PIEZO2: variants seen among roughly 807,000 people sequenced by gnomAD.
The protein encoded by PIEZO2 is piezo-type mechanosensitive ion channel component 2.
Under a neutral mutation model 337.3 loss-of-function variants are expected in PIEZO2, and 172 were observed. The ratio of observed to expected loss-of-function variants is 0.51; its 90% CI spans 0.45 to 0.58. PIEZO2 has a LOEUF of 0.58. PIEZO2 is among the 20% of genes least tolerant of loss of function. PIEZO2 has a pLI of 0.00. For missense variants in PIEZO2, 3,028 were observed against 3,391.3 expected, an observed-to-expected ratio of 0.89 and a Z score of 2.66; for synonymous variants, 1,251 against 1,228.5, an observed-to-expected ratio of 1.02 and a Z score of -0.38.
intron 31 of PIEZO2, 79 bp downstream of exon 31, chr18:10,744,063 C>A: frequency 9.7e-7 from 1 of 1,034,870 alleles, no homozygotes; most frequent in South Asian, 1.5e-5. Context: ...GTTTGAGGCT[C>A]CCCAACAGTG....
In PIEZO2 at chr18:10,704,887, C is replaced by T. The variant is rs536015965; in HGVS notation, c.6000-235G>A. On this transcript the variant is annotated intron_variant, in intron 41 of 55. Coordinates refer to ENST00000674853, the MANE Select transcript of PIEZO2 (RefSeq NM_001378183.1). ...TGTATTTTTAGTAAAGGGACAGTTTCGCCATGTTGGTCAGGCTGGTCTTGA... is the reference window on the plus strand; with the variant it reads ...TGTATTTTTAGTAAAGGGACAGTTTTGCCATGTTGGTCAGGCTGGTCTTGA... Among the ~76,000 whole-genome samples the T allele has an allele frequency of 1.6e-4, 24 of 152,250 alleles. No individual in the cohort carries two copies. In the South Asian group the frequency reaches 3.3e-3, roughly 21 times the overall value.
chr18:10,903,308 C>T lies in PIEZO2; in HGVS notation c.329+7878G>A, dbSNP rs2043095152. Among the ~76,000 whole-genome samples, 1 of 152,116 alleles carries T rather than the reference C, an allele frequency of 6.6e-6. No homozygotes were observed. The highest frequency in any genetic ancestry group is 6.5e-5 in the Admixed American group (1 of 15,272). On this transcript the variant is annotated intron_variant, in intron 4 of 55. Transcript: ENST00000674853. This position sits in a 1 kb window ranked among gnomAD's most constrained non-coding sequence, Gnocchi z 4.1. ...CTATATTGCTGCTCGAGTGACATTT[C>T]TAGAAGCACATCTAAGCTTACCTTC...
rs971257706 is a variant in PIEZO2 at position 11,077,848 on chromosome 18, T to C, written c.65-11626A>G. 3.3e-5 allele frequency among the ~76,000 whole-genome samples: 5 copies of C among 152,188 alleles called. No homozygotes were observed. Among genetic ancestry groups the C allele is most frequent in the African/African-American group, 1.2e-4 (5 of 41,442 alleles). On this transcript the variant is annotated intron_variant, in intron 1 of 55. Coordinates refer to ENST00000674853, the MANE Select transcript of PIEZO2 (RefSeq NM_001378183.1). The surrounding 1 kb of genome is among the most constrained non-coding windows in gnomAD (Gnocchi z 4.8). Reference sequence around the variant, plus strand: ...TGGCTTACTAGACTGTGTTACAAAGTAGAGCATAAGTGTCATTTTTCATTT... The same window carrying C: ...TGGCTTACTAGACTGTGTTACAAAGCAGAGCATAAGTGTCATTTTTCATTT...
rs2039906000 is a variant in PIEZO2, at chr18:11,116,858, C to T, written c.64+31667G>A. Among the ~76,000 whole-genome samples the T allele has an allele frequency of 6.6e-6, 1 of 152,148 alleles. No homozygotes were observed. Among genetic ancestry groups the T allele is most frequent in the Non-Finnish European group, 1.5e-5 (1 of 68,022 alleles). On this transcript the variant is annotated intron_variant, in intron 1 of 55. Coordinates refer to ENST00000674853, the MANE Select transcript of PIEZO2 (RefSeq NM_001378183.1). The surrounding 1 kb of genome is among the most constrained non-coding windows in gnomAD (Gnocchi z 5.0). ...GCACGGTGGCTCACACCTGTAATCC[C>T]AGCACTCTGTGAGGCCAAGGCAGGA... is the stretch of plus-strand genomic sequence containing the variant.
At chr18:10,852,768 G>A (rs923752085) in intron 7 of PIEZO2, among the ~76,000 whole-genome samples, 1 of 152,126 alleles carries the variant, frequency 6.6e-6, no homozygotes, top group Non-Finnish European at 1.5e-5. Flanking sequence ...TTCTGGCACC[G>A]TCTTCACCTA....
At chr18:11,074,009 G>C (rs923266807) in intron 1 of PIEZO2, among the ~76,000 whole-genome samples, 17 of 152,066 alleles carry the variant, frequency 1.1e-4, no homozygotes, top group African/African-American at 3.9e-4. Flanking sequence ...ACCATGCCCG[G>C]CTAATTTTTT....
intron 2 of PIEZO2, among the ~76,000 whole-genome samples, chr18:11,045,604 A>T (rs2037285020): frequency 1.3e-5 from 2 of 152,208 alleles, no homozygotes; most frequent in Non-Finnish European, 1.5e-5. Context: ...GCAGAGTGTC[A>T]CTTTGTGCCA....
In PIEZO2 at chr18:11,125,092, G is replaced by T. The variant is rs1366700191; in HGVS notation, c.64+23433C>A. ...CTTTCCTCCTTTCATTTCTTCACAT[G>T]TAAAATCTAGAGTCATACCCATTTC... On this transcript the variant is annotated intron_variant, in intron 1 of 55. Coordinates refer to ENST00000674853, the MANE Select transcript of PIEZO2 (RefSeq NM_001378183.1). The surrounding 1 kb of genome is among the most constrained non-coding windows in gnomAD (Gnocchi z 4.4). Among the ~76,000 whole-genome samples the T allele has an allele frequency of 6.6e-6, 1 of 151,924 alleles. No individual in the cohort carries two copies. The highest frequency in any genetic ancestry group is 2.4e-5 in the African/African-American group (1 of 41,374).
rs774649522 is a variant in PIEZO2 at position 11,132,381 on chromosome 18, T to C, written c.64+16144A>G. 1.3e-4 allele frequency among the ~76,000 whole-genome samples: 20 copies of C among 152,180 alleles called. No homozygotes were observed. Among genetic ancestry groups the C allele is most frequent in the East Asian group, 1.9e-4 (1 of 5,196 alleles). On this transcript the variant is annotated intron_variant, in intron 1 of 55. Transcript: ENST00000674853. The surrounding 1 kb of genome is among the most constrained non-coding windows in gnomAD (Gnocchi z 4.7). ...CATCATTCTGAAGCAGGTGGATTGA[T>C]AGAACGGTGGAATGGCCTTTTGAAG...
intron 35 of PIEZO2, among the ~76,000 whole-genome samples, chr18:10,733,352 T>C (rs149747149): frequency 2.6e-4 from 40 of 152,088 alleles, no homozygotes; most frequent in African/African-American, 9.6e-4. Flanking sequence ...CCAGGAATTA[T>C]TAAGAGGGTC....
intron 2 of PIEZO2, among the ~76,000 whole-genome samples, chr18:11,056,636 C>G (rs78973423): frequency 0.024 from 3,616 of 152,198 alleles, 49 homozygotes; most frequent in South Asian, 0.045. Flanking sequence ...GGAACATCAA[C>G]AAGGCAGGAA....
At chr18:10,812,617 C>T (rs1266275486) in intron 7 of PIEZO2, among the ~76,000 whole-genome samples, 1 of 152,144 alleles carries the variant, frequency 6.6e-6, no homozygotes, top group Non-Finnish European at 1.5e-5. Context: ...GATGAGTCTT[C>T]CCCCTGAGGT....
intron 2 of PIEZO2, among the ~76,000 whole-genome samples, chr18:11,019,451 G>A (rs760224207): frequency 1.3e-5 from 2 of 152,144 alleles, no homozygotes; most frequent in Non-Finnish European, 2.9e-5. Flanking sequence ...CCTCTCATCT[G>A]GGAGCTTTTG....
At chr18:10,977,414 A>G (rs1470550805) in intron 3 of PIEZO2, among the ~76,000 whole-genome samples, 1 of 152,098 alleles carries the variant, frequency 6.6e-6, no homozygotes, top group Non-Finnish European at 1.5e-5. Flanking sequence ...AAAGCCTTTT[A>G]TCTGGATAAC....
intron 36 of PIEZO2, among the ~76,000 whole-genome samples, chr18:10,729,767 GTTA>G (rs753612896): frequency 1.3e-5 from 2 of 152,032 alleles, no homozygotes; most frequent in Non-Finnish European, 2.9e-5. Context: ...GCATTCATAA[GTTA>G]TTATATGCAC....
At chr18:10,757,247 T>G in intron 27 of PIEZO2, among the ~76,000 whole-genome samples, 3 of 129,440 alleles carry the variant, frequency 2.3e-5, no homozygotes, top group Non-Finnish European at 3.3e-5. Flanking sequence ...GGGATGAGGA[T>G]GTGCTATGGG....
intron 2 of PIEZO2, among the ~76,000 whole-genome samples, chr18:11,051,281 GA>G (rs1205555269): frequency 6.6e-6 from 1 of 151,638 alleles, no homozygotes; most frequent in Non-Finnish European, 1.5e-5. Flanking sequence ...TGAGTTCTTG[GA>G]TAAGACGACA....
chr18:10,735,656 C>T (rs1249082629), intron 34 of PIEZO2, among the ~76,000 whole-genome samples: 1 of 152,120 alleles, frequency 6.6e-6, no homozygotes, highest in Non-Finnish European at 1.5e-5. Flanking sequence ...CAAACATGCA[C>T]AAAAACCCGG....
At chr18:10,769,274 C>A (rs1174913644) in intron 21 of PIEZO2, among the ~76,000 whole-genome samples, 1 of 152,196 alleles carries the variant, frequency 6.6e-6, no homozygotes, top group Admixed American at 6.5e-5. Context: ...ACGAATCTCG[C>A]AGATAGAATG....
Sources: allele counts gnomAD v4.1 joint callset (sites outside exome capture counted in the v4.1 genomes callset), GRCh38; gene constraint gnomAD v4.1.1; non-coding constraint Gnocchi (gnomAD v3.1); transcripts MANE v1.5; gene names NCBI Gene and HGNC (gene_info 2026-07-23, HGNC 2026-07-21).